Variants in CMTM8 observed in about 807,000 individuals in gnomAD.
CMTM8 encodes the protein CKLF-like MARVEL transmembrane domain-containing protein 8.
Under a neutral mutation model 18.6 loss-of-function variants are expected in CMTM8, and 12 were observed. That is an observed-to-expected ratio of 0.65 (90% CI 0.41 to 1.05). The LOEUF (loss-of-function observed/expected upper bound fraction) is 1.05, where lower values mean the gene tolerates loss of function less well. Ranked by LOEUF, CMTM8 falls within the 50% of genes least tolerant of loss-of-function variation. The probability of loss-of-function intolerance (pLI) is 0.00; values close to 1 mark genes in which losing one functional copy is unlikely to be tolerated. For missense variants in CMTM8, 217 were observed against 227.2 expected, an observed-to-expected ratio of 0.95 and a Z score of 0.29; for synonymous variants, 87 against 90.6, an observed-to-expected ratio of 0.96 and a Z score of 0.23.
At chr3:32,259,401 A>T in intron 1 of CMTM8, 1 of 865,862 alleles carries the variant, frequency 1.2e-6, no homozygotes. Flanking sequence ...CTGCAGATTG[A>T]CAATGCCTGT....
chr3:32,286,582 G>A (rs1021337744), intron 1 of CMTM8, among the ~76,000 whole-genome samples: 1 of 152,194 alleles, frequency 6.6e-6, no homozygotes, highest in African/African-American at 2.4e-5. Flanking sequence ...ATTTTGCATG[G>A]GAGGCTTTGT....
chr3:32,366,677 T>A (rs1314238387), intron 2 of CMTM8, among the ~76,000 whole-genome samples: 1 of 152,194 alleles, frequency 6.6e-6, no homozygotes, highest in Non-Finnish European at 1.5e-5. Context: ...AGTATTAAAT[T>A]TGCGTGACTC....
chr3:32,361,289 T>TTTTTTTTGTTTTTTTTTTTG (rs200857947), intron 2 of CMTM8, among the ~76,000 whole-genome samples: 6 of 143,646 alleles, frequency 4.2e-5, no homozygotes, highest in African/African-American at 5.2e-5. Flanking sequence ...CCTAAGAGTT[T>TTTTTTTTGTTTTTTTTTTTG]TTTTTTCTTT....
Position 32,370,006 on chromosome 3 carries a change from A to G in CMTM8, c.*39A>G. 8.0e-7 allele frequency: 1 copy of G among 1,247,862 alleles called. No homozygotes were observed. Among genetic ancestry groups the G allele is most frequent in the South Asian group, 1.4e-5 (1 of 72,754 alleles). The allele number at this position is 1,247,862 out of a possible 1,614,324, so 77.3% of individuals were successfully genotyped here. A position where few individuals can be genotyped will look rare whatever the true frequency, so the allele number is the denominator to read the frequency against. ...TAATTAAAAGGAAAAAAAAAGGAAG[A>G]CTCTCACTGTAAAAACAGCTGTAGG... On this transcript the variant is annotated 3_prime_UTR_variant, in exon 4 of 4. Coordinates refer to ENST00000307526, the MANE Select transcript of CMTM8 (RefSeq NM_178868.5).
chr3:32,334,681 G>A (rs1696352437), intron 1 of CMTM8, among the ~76,000 whole-genome samples: 2 of 151,558 alleles, frequency 1.3e-5, no homozygotes, highest in Admixed American at 6.6e-5. Context: ...AAGCCAACTC[G>A]TGTTTTCTCT....
At chr3:32,239,618 C>G (rs750955558) in intron 1 of CMTM8, among the ~76,000 whole-genome samples, 1 of 152,100 alleles carries the variant, frequency 6.6e-6, no homozygotes. Flanking sequence ...GTGCCATAAC[C>G]TATTTTAGGA....
intron 1 of CMTM8, among the ~76,000 whole-genome samples, chr3:32,286,214 T>C (rs914340369): frequency 5.3e-5 from 8 of 152,066 alleles, no homozygotes; most frequent in Admixed American, 1.3e-4. Flanking sequence ...CATGAATGAG[T>C]GTGGTGCATT....
Position 32,357,437 on chromosome 3 carries a change from G to T in CMTM8, c.212G>T (p.Gly71Val). 1 of 1,614,020 alleles carries T rather than the reference G, an allele frequency of 6.2e-7. No individual in the cohort carries two copies. The highest frequency in any genetic ancestry group is 1.1e-5 in the South Asian group (1 of 91,060). Residue 71 changes from glycine (G) to valine (V), a missense_variant, in exon 2 of 4, where the codon GGC becomes GTC. Gly to Val is a moderately radical substitution (Grantham distance 109). Transcript: ENST00000307526. ...GAGTACTTCCGGGTCCCCGCATTTG[G>T]CTGGGTCATGTTTGTAGCTGTATTT... is the stretch of plus-strand genomic sequence containing the variant. ...GTEYFRVPAF[G>V]WVMFVAVFYW...
At chr3:32,309,904 C>T (rs1341270123) in intron 1 of CMTM8, among the ~76,000 whole-genome samples, 1 of 152,214 alleles carries the variant, frequency 6.6e-6, no homozygotes, top group Non-Finnish European at 1.5e-5. Flanking sequence ...AATGTCTGTT[C>T]ACTGCCCCCA....
At chr3:32,309,156 C>G (rs1206359332) in intron 1 of CMTM8, among the ~76,000 whole-genome samples, 1 of 152,122 alleles carries the variant, frequency 6.6e-6, no homozygotes, top group Non-Finnish European at 1.5e-5. Flanking sequence ...AACACACTCA[C>G]TGCTGGTTCA....
chr3:32,251,258 T>C (rs1453670210), intron 1 of CMTM8, among the ~76,000 whole-genome samples: 1 of 152,242 alleles, frequency 6.6e-6, no homozygotes, highest in Non-Finnish European at 1.5e-5. Flanking sequence ...TTTGCATTTC[T>C]GTGATCATTA....
intron 2 of CMTM8, among the ~76,000 whole-genome samples, chr3:32,361,689 C>T (rs1005149326): frequency 6.6e-6 from 1 of 152,136 alleles, no homozygotes; most frequent in Non-Finnish European, 1.5e-5. Flanking sequence ...AACAATAGCT[C>T]ATCCCCTTAA....
At chr3:32,298,140 A>G (rs534831962) in intron 1 of CMTM8, among the ~76,000 whole-genome samples, 1 of 151,616 alleles carries the variant, frequency 6.6e-6, no homozygotes, top group East Asian at 1.9e-4. Context: ...CAGTGGCACA[A>G]TCTGGGCTCA....
At chr3:32,339,583 A>G (rs1380279971) in intron 1 of CMTM8, among the ~76,000 whole-genome samples, 1 of 152,242 alleles carries the variant, frequency 6.6e-6, no homozygotes, top group Non-Finnish European at 1.5e-5. Flanking sequence ...TGTTGGAGAA[A>G]GCAGCAAGGC....
At chr3:32,247,143 A>C (rs1559360629) in intron 1 of CMTM8, among the ~76,000 whole-genome samples, 1 of 152,228 alleles carries the variant, frequency 6.6e-6, no homozygotes, top group Non-Finnish European at 1.5e-5. Flanking sequence ...TAAGATATAC[A>C]GTAAATCCAC....
chr3:32,329,359 C>A (rs773301699), intron 1 of CMTM8, among the ~76,000 whole-genome samples: 1 of 152,174 alleles, frequency 6.6e-6, no homozygotes, highest in African/African-American at 2.4e-5. Context: ...AGCCACCATG[C>A]CTGGCCTCGT....
intron 1 of CMTM8, among the ~76,000 whole-genome samples, chr3:32,331,988 T>C (rs1200153699): frequency 1.3e-5 from 2 of 152,184 alleles, no homozygotes; most frequent in African/African-American, 4.8e-5. Context: ...CACTACTGTG[T>C]ATTTAAAAAT....
intron 1 of CMTM8, among the ~76,000 whole-genome samples, chr3:32,262,676 T>G (rs899679953): frequency 7.2e-5 from 11 of 152,240 alleles, no homozygotes; most frequent in African/African-American, 2.7e-4. Context: ...AATGACGATG[T>G]CACATGTTAG....
chr3:32,248,794 C>G (rs1702076843), intron 1 of CMTM8, among the ~76,000 whole-genome samples: 1 of 151,950 alleles, frequency 6.6e-6, no homozygotes, highest in Non-Finnish European at 1.5e-5. Context: ...GCCCAGGCCT[C>G]CAAGTAGCTA....
Sources: allele counts gnomAD v4.1 joint callset (sites outside exome capture counted in the v4.1 genomes callset), GRCh38; gene constraint gnomAD v4.1.1; transcripts MANE v1.5; gene names NCBI Gene and HGNC (gene_info 2026-07-23, HGNC 2026-07-21).